The following APLF variants were observed in gnomAD, a reference collection of about 807,000 sequenced individuals.
APLF encodes the protein aprataxin and PNK-like factor.
In APLF, 61 loss-of-function variants were observed where a neutral mutation model predicts 55.6. That is an observed-to-expected ratio of 1.10 (90% CI 0.89 to 1.36). The LOEUF (loss-of-function observed/expected upper bound fraction) is 1.36, where lower values mean the gene tolerates loss of function less well. Among genes scored for constraint, APLF ranks in the 40% most tolerant of loss-of-function variants. APLF has a pLI of 0.00. For missense variants in APLF, 611 were observed against 602.5 expected (o/e 1.01, Z -0.15); for synonymous variants, 207 against 214.8 (o/e 0.96, Z 0.32).
At chr2:68,488,992 T>G (rs1676274251) in intron 1 of APLF, among the ~76,000 whole-genome samples, 1 of 151,896 alleles carries the variant, frequency 6.6e-6, no homozygotes, top group Admixed American at 6.6e-5. Context: ...AAAGGTACAA[T>G]CTGGGAAAAA....
intron 8 of APLF, among the ~76,000 whole-genome samples, chr2:68,548,430 T>A (rs2104023761): frequency 6.6e-6 from 1 of 151,994 alleles, no homozygotes; most frequent in South Asian, 2.1e-4. Context: ...ATACATAGCC[T>A]TTTTGCCCAA....
rs1307257609 is a variant in APLF, at chr2:68,577,847, A to C, written c.1361A>C (p.Asp454Ala). The part of the protein sequence containing the change: ...PVRNVLDEDN[D>A]NVGQPNEYDL... ...AGAAATGTTTTAGATGAAGATAATG[A>C]TAATGTTGGGCAACCCAATGAGTAT... Residue 454 changes from aspartate to alanine, a missense_variant, in exon 10 of 10, where the codon GAT (aspartate) becomes GCT (alanine). Coordinates refer to ENST00000303795, the MANE Select transcript of APLF (RefSeq NM_173545.3). The C allele has an allele frequency of 6.2e-7, 1 of 1,613,434 alleles. No individual in the cohort carries two copies.
intron 5 of APLF, among the ~76,000 whole-genome samples, chr2:68,514,024 C>T (rs1004604399): frequency 2.6e-5 from 4 of 151,790 alleles, no homozygotes; most frequent in Non-Finnish European, 4.4e-5. Flanking sequence ...AAATGCCAGA[C>T]GAATTGATAT....
intron 3 of APLF, among the ~76,000 whole-genome samples, chr2:68,510,340 G>A (rs1286334447): frequency 1.3e-5 from 2 of 151,586 alleles, no homozygotes; most frequent in South Asian, 2.1e-4. Flanking sequence ...CAATGCAAAG[G>A]CAAACAACCC....
At chr2:68,506,527 TG>T (rs1342838086) in intron 3 of APLF, among the ~76,000 whole-genome samples, 2 of 152,046 alleles carry the variant, frequency 1.3e-5, no homozygotes, top group African/African-American at 4.8e-5. Flanking sequence ...AAGCTTTACA[TG>T]TATGAACTTT....
At chr2:68,523,623 C>CATAT (rs948685602) in intron 5 of APLF, among the ~76,000 whole-genome samples, 1 of 150,408 alleles carries the variant, frequency 6.6e-6, no homozygotes. Flanking sequence ...TTTAATGATA[C>CATAT]ATATATATAT....
At chr2:68,477,097 A>T (rs1675803086) in intron 1 of APLF, among the ~76,000 whole-genome samples, 1 of 152,240 alleles carries the variant, frequency 6.6e-6, no homozygotes, top group Non-Finnish European at 1.5e-5. Context: ...GGTAAAATTT[A>T]TCAAAACATA....
intron 1 of APLF, among the ~76,000 whole-genome samples, chr2:68,477,745 C>T (rs1675822550): frequency 6.6e-6 from 1 of 152,186 alleles, no homozygotes. Context: ...GGGGAGGCCT[C>T]ATAATCATGG....
At position 68,578,789 on chromosome 2, in the gene APLF, A is replaced by G. The variant is rs968611913; in HGVS notation, c.*767A>G. ...TTTATATTAAGAATAGAGAAACGAC[A>G]TAACTTTCTCAAATGGCATTAGTTT... On this transcript the variant is annotated 3_prime_UTR_variant, in exon 10 of 10. Coordinates refer to ENST00000303795, the MANE Select transcript of APLF (RefSeq NM_173545.3). 3.0e-6 allele frequency: 3 copies of G among 985,318 alleles called. No individual in the cohort carries two copies. The highest frequency in any genetic ancestry group is 4.7e-5 in the South Asian group (1 of 21,290). 61.0% of individuals were successfully genotyped at this position (985,318 alleles called of 1,614,324 possible).
chr2:68,519,908 G>A (rs1290946013), intron 5 of APLF, among the ~76,000 whole-genome samples: 2 of 151,762 alleles, frequency 1.3e-5, no homozygotes, highest in African/African-American at 2.4e-5. Context: ...TTCTGTAGTG[G>A]TTGTTCTATT....
At chr2:68,571,347 T>C (rs2104077669) in intron 9 of APLF, among the ~76,000 whole-genome samples, 1 of 152,328 alleles carries the variant, frequency 6.6e-6, no homozygotes, top group South Asian at 2.1e-4. Context: ...GCTTTTGGTG[T>C]TTTAGACATG....
chr2:68,532,403 C>G (rs1185256340), intron 6 of APLF, among the ~76,000 whole-genome samples: 1 of 152,154 alleles, frequency 6.6e-6, no homozygotes, highest in Non-Finnish European at 1.5e-5. Context: ...GATTCTGATT[C>G]ATTTGGTGTG....
At position 68,576,869 on chromosome 2, in the gene APLF, C is replaced by T. The variant is rs371128763; in HGVS notation, c.1334-951C>T. ...ACATTTGCTGTTCATTAGGGACTGT[C>T]CTCTGCCATTCAGATTTCTAGATGA... On this transcript the variant is annotated intron_variant, in intron 9 of 9. Transcript: ENST00000303795. Among the ~76,000 whole-genome samples the T allele has an allele frequency of 1.2e-4, 19 of 152,248 alleles. No homozygotes were observed. The East Asian group carries it at 2.1e-3, about 17-fold the overall frequency.
intron 4 of APLF, 119 bp from the exon 5 acceptor site, chr2:68,513,429 A>G (rs1669467364): frequency 7.7e-7 from 1 of 1,296,794 alleles, no homozygotes; most frequent in Non-Finnish European, 1.1e-6. Context: ...AAGAAATTTT[A>G]TGAACTCAGT....
At chr2:68,571,475 G>T (rs1319005471) in intron 9 of APLF, among the ~76,000 whole-genome samples, 3 of 152,028 alleles carry the variant, frequency 2.0e-5, no homozygotes, top group Admixed American at 2.0e-4. Context: ...TTTTGTATAA[G>T]GTGTAAGGAA....
At chr2:68,531,005 A>G (rs1670238629) in intron 6 of APLF, among the ~76,000 whole-genome samples, 1 of 152,092 alleles carries the variant, frequency 6.6e-6, no homozygotes. Flanking sequence ...TTTAACCACC[A>G]TTTTCTTGCT....
chr2:68,542,472 A>G (rs950383375), intron 7 of APLF, among the ~76,000 whole-genome samples: 1 of 152,170 alleles, frequency 6.6e-6, no homozygotes, highest in African/African-American at 2.4e-5. Flanking sequence ...AAATTACCCA[A>G]TTTGAAATTG....
chr2:68,554,183 G>C (rs954267527), intron 8 of APLF, among the ~76,000 whole-genome samples: 3 of 151,870 alleles, frequency 2.0e-5, no homozygotes, highest in Non-Finnish European at 2.9e-5. Context: ...CATCCCATGA[G>C]TAAAATGAGA....
At chr2:68,499,368 C>T (rs567518465) in intron 2 of APLF, among the ~76,000 whole-genome samples, 80 of 152,260 alleles carry the variant, frequency 5.3e-4, no homozygotes, top group African/African-American at 1.9e-3. Context: ...TTAAACTTGT[C>T]TCATTGAAGC....
Sources: allele counts gnomAD v4.1 joint callset (sites outside exome capture counted in the v4.1 genomes callset), GRCh38; gene constraint gnomAD v4.1.1; transcripts MANE v1.5; gene names NCBI Gene and HGNC (gene_info 2026-07-23, HGNC 2026-07-21).